Variants in PARN observed in about 807,000 individuals in gnomAD.
PARN encodes the protein poly(A)-specific ribonuclease PARN.
In PARN, 71 loss-of-function variants were observed where a neutral mutation model predicts 102.8. The ratio of observed to expected loss-of-function variants is 0.69; its 90% CI spans 0.57 to 0.84. The LOEUF is 0.84. PARN is among the 40% of genes least tolerant of loss of function. PARN has a pLI of 0.00. For synonymous variants in PARN, 261 were observed against 252.9 expected, an observed-to-expected ratio of 1.03 and a Z score of -0.30; for missense variants, 782 against 760.9, an observed-to-expected ratio of 1.03 and a Z score of -0.33.
rs1961879182 is a variant in PARN, at chr16:14,460,045, T to C, written c.1671-12964A>G. On this transcript the variant is annotated intron_variant, in intron 22 of 23. Transcript: ENST00000437198. ...AATAATTAAAAACTGCTAAAAAACATGAGAAAATCTCTGTGACCTTATCTA... is the reference window on the plus strand; with the variant it reads ...AATAATTAAAAACTGCTAAAAAACACGAGAAAATCTCTGTGACCTTATCTA... Among the ~76,000 whole-genome samples, 4 of 152,170 alleles carry C rather than the reference T, an allele frequency of 2.6e-5. No individual in the cohort carries two copies. The South Asian group carries it at 8.3e-4, about 31-fold the overall frequency.
In PARN at chr16:14,461,380, T is replaced by C. The variant is rs970695092; in HGVS notation, c.1671-14299A>G. On this transcript the variant is annotated intron_variant, in intron 22 of 23. Coordinates refer to ENST00000437198, the MANE Select transcript of PARN (RefSeq NM_002582.4). ...AGGGTAGTTTAAACAGTGTGTGCCT[T>C]CTTCTTGCCATGTAACTTATGATAT... is the stretch of plus-strand genomic sequence containing the variant. 1.4e-4 allele frequency among the ~76,000 whole-genome samples: 22 copies of C among 152,348 alleles called. 1 individual carries two copies. The highest frequency in any genetic ancestry group is 5.1e-4 in the African/African-American group (21 of 41,576).
At position 14,629,633 on chromosome 16, in the gene PARN, C is replaced by T. The variant is rs1334898052; in HGVS notation, c.61G>A (p.Glu21Lys). Residue 21 changes from glutamate to lysine, a missense_variant, in exon 2 of 24, where the codon GAG becomes AAG. Glu to Lys is a moderately conservative substitution (Grantham distance 56). Coordinates refer to ENST00000437198, the MANE Select transcript of PARN (RefSeq NM_002582.4). Reference sequence around the variant, plus strand: ...CCATCGATGGCGAAGAAGTCGGCCTCCTCTATGGCCTGGTACACTTTGTGA... The same window carrying T: ...CCATCGATGGCGAAGAAGTCGGCCTTCTCTATGGCCTGGTACACTTTGTGA... ...NLHKVYQAIE[E>K]ADFFAIDGEF... The T allele has an allele frequency of 2.5e-6, 4 of 1,613,530 alleles. No homozygotes were observed. The highest frequency in any genetic ancestry group is 1.3e-5 in the African/African-American group (1 of 74,942).
intron 7 of PARN, among the ~76,000 whole-genome samples, chr16:14,610,349 T>C (rs1208930656): frequency 6.6e-6 from 1 of 151,720 alleles, no homozygotes; most frequent in African/African-American, 2.4e-5. Flanking sequence ...GGTGCACGCC[T>C]ATAATCCCAG....
chr16:14,601,492 T>G (rs188460726), intron 11 of PARN, among the ~76,000 whole-genome samples: 5 of 152,278 alleles, frequency 3.3e-5, no homozygotes, highest in Admixed American at 3.3e-4. Context: ...AGTTTCGGTT[T>G]TGCAAGATGA....
At position 14,604,282 on chromosome 16, in the gene PARN, C is replaced by CA. The variant is rs1270967969; in HGVS notation, c.703-57dup. The CA allele has an allele frequency of 7.2e-6, 8 of 1,109,464 alleles. No individual in the cohort carries two copies. In the East Asian group the frequency reaches 1.3e-4, roughly 18 times the overall value. The allele number at this position is 1,109,464 out of a possible 1,614,324, so 68.7% of individuals were successfully genotyped here. On this transcript the variant is annotated intron_variant, in intron 10 of 23. Coordinates refer to ENST00000437198, the MANE Select transcript of PARN (RefSeq NM_002582.4). ...CTTTTCTTTTTCTTTTTTTTTGAGACAGAGTTTCGCTCTTGTTGCTCAGGC... is the reference window on the plus strand; with the variant it reads ...CTTTTCTTTTTCTTTTTTTTTGAGACAAGAGTTTCGCTCTTGTTGCTCAGGC...
At chr16:14,469,212 G>T (rs540399383) in intron 22 of PARN, among the ~76,000 whole-genome samples, 1 of 152,058 alleles carries the variant, frequency 6.6e-6, no homozygotes, top group Non-Finnish European at 1.5e-5. Flanking sequence ...CAGGAGAATC[G>T]CTTGAACCCG....
intron 21 of PARN, among the ~76,000 whole-genome samples, chr16:14,513,677 C>G (rs779394982): frequency 1.3e-5 from 2 of 152,282 alleles, no homozygotes; most frequent in Admixed American, 6.5e-5. Context: ...GGCCCTTCTC[C>G]CTGTTGTGGC....
At chr16:14,531,863 A>T (rs1966349545) in intron 21 of PARN, among the ~76,000 whole-genome samples, 1 of 151,186 alleles carries the variant, frequency 6.6e-6, no homozygotes, top group Admixed American at 6.6e-5. Flanking sequence ...TAAAACTTGT[A>T]TTCAACCTGG....
chr16:14,578,980 C>G (rs1020783469), intron 18 of PARN, among the ~76,000 whole-genome samples: 1 of 151,934 alleles, frequency 6.6e-6, no homozygotes, highest in Admixed American at 6.6e-5. Flanking sequence ...AAAGTCTCAG[C>G]TAGCTTTTTT....
intron 13 of PARN, among the ~76,000 whole-genome samples, chr16:14,590,543 G>A (rs1209117039): frequency 6.6e-6 from 1 of 150,388 alleles, no homozygotes; most frequent in Non-Finnish European, 1.5e-5. Context: ...TCTGAGGAAG[G>A]AGAGTCGCTT....
chr16:14,513,799 C>G (rs1965320612), intron 21 of PARN, among the ~76,000 whole-genome samples: 1 of 152,192 alleles, frequency 6.6e-6, no homozygotes, highest in African/African-American at 2.4e-5. Context: ...CTTAGAGAAG[C>G]CTCCCTGACT....
At chr16:14,553,757 T>C (rs1838087314) in intron 20 of PARN, among the ~76,000 whole-genome samples, 1 of 152,218 alleles carries the variant, frequency 6.6e-6, no homozygotes, top group African/African-American at 2.4e-5. Flanking sequence ...CCTGTGAGTT[T>C]AATCTTAAAA....
chr16:14,488,347 T>C (rs532226557), intron 21 of PARN, among the ~76,000 whole-genome samples: 6 of 152,220 alleles, frequency 3.9e-5, no homozygotes, highest in South Asian at 2.1e-4. Context: ...TTTACAAAGA[T>C]AGAAAAAAGG....
At chr16:14,535,026 G>A (rs1227444530) in intron 21 of PARN, among the ~76,000 whole-genome samples, 1 of 152,106 alleles carries the variant, frequency 6.6e-6, no homozygotes, top group Non-Finnish European at 1.5e-5. Flanking sequence ...TAGAGACAGG[G>A]TTTCTCCATG....
chr16:14,574,450 C>T (rs1968992006), intron 18 of PARN, among the ~76,000 whole-genome samples: 1 of 152,154 alleles, frequency 6.6e-6, no homozygotes, highest in East Asian at 1.9e-4. Context: ...CATGGTGGCT[C>T]ATGCCTGTAA....
At position 14,596,395 on chromosome 16, in the gene PARN, A is replaced by T. The variant is rs182106966; in HGVS notation, c.841-3017T>A. On this transcript the variant is annotated intron_variant, in intron 12 of 23. Coordinates refer to ENST00000437198, the MANE Select transcript of PARN (RefSeq NM_002582.4). ...AGTATTATTATTAATACTAATAATT[A>T]AAAAAAATCCCTGAGTCCATACATA... 3.6e-4 allele frequency among the ~76,000 whole-genome samples: 55 copies of T among 151,946 alleles called. No homozygotes were observed. The East Asian group carries it at 8.9e-3, about 25-fold the overall frequency.
At chr16:14,470,533 C>T (rs1187632580) in intron 22 of PARN, among the ~76,000 whole-genome samples, 2 of 151,700 alleles carry the variant, frequency 1.3e-5, no homozygotes, top group African/African-American at 2.4e-5. Context: ...TCTCAGCTCA[C>T]TGCAGCCTCG....
chr16:14,507,062 C>G (rs573281026), intron 21 of PARN, among the ~76,000 whole-genome samples: 1 of 152,268 alleles, frequency 6.6e-6, no homozygotes, highest in South Asian at 2.1e-4. Context: ...CGTGGTGGCT[C>G]ATGCCTATAA....
chr16:14,445,349 C>T (rs901193489), intron 23 of PARN, among the ~76,000 whole-genome samples: 3 of 152,260 alleles, frequency 2.0e-5, no homozygotes, highest in Middle Eastern at 3.4e-3. Flanking sequence ...ACAGTCAGAT[C>T]GGGCCACATG....
Sources: allele counts gnomAD v4.1 joint callset (sites outside exome capture counted in the v4.1 genomes callset), GRCh38; gene constraint gnomAD v4.1.1; transcripts MANE v1.5; gene names NCBI Gene and HGNC (gene_info 2026-07-23, HGNC 2026-07-21).